MMAB: variants seen among roughly 807,000 people sequenced by gnomAD.
MMAB encodes the protein corrinoid adenosyltransferase MMAB.
Under a neutral mutation model 30.6 loss-of-function variants are expected in MMAB, and 17 were observed. That is an observed-to-expected ratio of 0.56 (90% CI 0.38 to 0.83). MMAB has a LOEUF of 0.83. Ranked by LOEUF, MMAB falls within the 40% of genes least tolerant of loss-of-function variation. MMAB has a pLI of 0.00. For synonymous variants in MMAB, 134 were observed against 138.6 expected (o/e 0.97, Z 0.23); for missense variants, 311 against 331.6 (o/e 0.94, Z 0.48).
rs1051879809 is a variant in MMAB at position 109,569,425 on chromosome 12, C to T, written c.197-562G>A. Among the ~76,000 whole-genome samples the T allele has an allele frequency of 6.6e-6, 1 of 152,170 alleles. No individual in the cohort carries two copies. Among genetic ancestry groups the T allele is most frequent in the African/African-American group, 2.4e-5 (1 of 41,436 alleles). ...TGTAACCCCTTTTAGTTGCCACTCC[C>T]CAAGGGTTAGCCACTATGCTCACTT... On this transcript the variant is annotated intron_variant, in intron 2 of 8. Coordinates refer to ENST00000545712, the MANE Select transcript of MMAB (RefSeq NM_052845.4). This position sits in a 1 kb window ranked among gnomAD's most constrained non-coding sequence, Gnocchi z 4.1.
intron 1 of MMAB, 148 bp downstream of exon 1, chr12:109,573,199 G>GGCCCACGTT: frequency 2.0e-6 from 2 of 1,025,486 alleles, no homozygotes; most frequent in Admixed American, 2.0e-5. Context: ...GCGCCCACGT[G>GGCCCACGTT]GCCCACGTTG....
Position 109,565,052 on chromosome 12 carries a change from G to A in MMAB, c.348+67C>T. Reference sequence around the variant, plus strand: ...TGACACAAAGAGTAACTGGTGGCTGGATGCTGAGTCCCGTGATGGCCACCG... The same window carrying A: ...TGACACAAAGAGTAACTGGTGGCTGAATGCTGAGTCCCGTGATGGCCACCG... On this transcript the variant is annotated intron_variant, in intron 4 of 8. Coordinates refer to ENST00000545712, the MANE Select transcript of MMAB (RefSeq NM_052845.4). 4.2e-6 allele frequency: 5 copies of A among 1,189,680 alleles called. No homozygotes were observed. The Admixed American group carries it at 8.4e-5, about 20-fold the overall frequency. The allele number at this position is 1,189,680 out of a possible 1,614,324, so 73.7% of individuals were successfully genotyped here.
chr12:109,563,046 G>A (rs1884271257), intron 4 of MMAB, among the ~76,000 whole-genome samples: 1 of 152,242 alleles, frequency 6.6e-6, no homozygotes, highest in Non-Finnish European at 1.5e-5. Context: ...GCAGGCCATG[G>A]TGTGTGAGAG....
Position 109,565,134 on chromosome 12 carries a change from G to T in MMAB, c.333C>A (p.Ala111=). Residue 111 remains alanine, a synonymous_variant, in exon 4 of 9, where the codon GCC becomes GCA. Coordinates refer to ENST00000545712, the MANE Select transcript of MMAB (RefSeq NM_052845.4). Reference sequence around the variant, plus strand: ...TGTTACTCACTTTCTGAAGCTCTTCGGCAAATGTATGGCCCTTTTCTGTGA... The same window carrying T: ...TGTTACTCACTTTCTGAAGCTCTTCTGCAAATGTATGGCCCTTTTCTGTGA... The part of the protein sequence containing the change: ...ELVTEKGHTF[A]EELQKIQCTL... 1 of 1,613,968 alleles carries T rather than the reference G, an allele frequency of 6.2e-7. No individual in the cohort carries two copies. The highest frequency in any genetic ancestry group is 1.7e-5 in the Admixed American group (1 of 60,016).
chr12:109,569,966 ACATAC>A lies in MMAB; in HGVS notation c.197-1108_197-1104del, dbSNP rs1884577718. ...TCTGTCTTCTAGAAACAAATTATTAACATACCCAATTACAGGCCAGGTGCAGTGGC... is the reference window on the plus strand; with the variant it reads ...TCTGTCTTCTAGAAACAAATTATTAACCAATTACAGGCCAGGTGCAGTGGC... On this transcript the variant is annotated intron_variant, in intron 2 of 8. Transcript: ENST00000545712. This position sits in a 1 kb window ranked among gnomAD's most constrained non-coding sequence, Gnocchi z 4.1. 1 of 170,586 alleles carries A rather than the reference ACATAC, an allele frequency of 5.9e-6. No homozygotes were observed. Among genetic ancestry groups the A allele is most frequent in the African/African-American group, 2.4e-5 (1 of 41,542 alleles). 10.6% of individuals were successfully genotyped at this position (170,586 alleles called of 1,614,324 possible). A position where few individuals can be genotyped will look rare whatever the true frequency, so the allele number is the denominator to read the frequency against.
intron 2 of MMAB, 46 bp downstream of exon 2, chr12:109,571,603 T>A: frequency 6.5e-7 from 1 of 1,537,242 alleles, no homozygotes; most frequent in Non-Finnish European, 9.0e-7. Flanking sequence ...TAAAATGGTG[T>A]ATGCCATGAG....
Position 109,563,468 on chromosome 12 carries a change from CAG to C in MMAB, c.349-1618_349-1617del, listed in dbSNP as rs1281542107. On this transcript the variant is annotated intron_variant, in intron 4 of 8. Coordinates refer to ENST00000545712, the MANE Select transcript of MMAB (RefSeq NM_052845.4). ...GGCCAGGCGGGGCTCCCAGGTGAAC[CAG>C]ACACTGTCCCCGCCCTCACAGTGCC... 2.0e-5 allele frequency among the ~76,000 whole-genome samples: 3 copies of C among 152,352 alleles called. No homozygotes were observed. The East Asian group carries it at 5.8e-4, about 29-fold the overall frequency.
At chr12:109,566,281 G>T (rs1884424829) in intron 3 of MMAB, among the ~76,000 whole-genome samples, 1 of 152,264 alleles carries the variant, frequency 6.6e-6, no homozygotes, top group African/African-American at 2.4e-5. Context: ...ACAGCCACCA[G>T]GTGATAAGGT....
chr12:109,561,855 G>A lies in MMAB; in HGVS notation c.349-3C>T. ...ACGTCCTGCAATGTGCACTGGATCT[G>A]GGGGGCGACAGAAAGTGACAGTCAA... On this transcript the variant is annotated splice_polypyrimidine_tract_variant and splice_region_variant and intron_variant, in intron 4 of 8. Transcript: ENST00000545712. The surrounding 1 kb of genome is among the most constrained non-coding windows in gnomAD (Gnocchi z 5.3). 6.2e-7 allele frequency: 1 copy of A among 1,602,040 alleles called. No homozygotes were observed.
chr12:109,555,283 T>TTTTTG lies in MMAB; in HGVS notation c.*1744_*1745insCAAAA, dbSNP rs1555273686. ...GTGATTGCGTTTTCAGGGTTTTTTT[T>TTTTTG]TTTTTTTTTTTTTTTTTGTGACGGA... On this transcript the variant is annotated 3_prime_UTR_variant, in exon 9 of 9. Coordinates refer to ENST00000545712, the MANE Select transcript of MMAB (RefSeq NM_052845.4). 9 of 303,730 alleles carry TTTTTG rather than the reference T, an allele frequency of 3.0e-5. No individual in the cohort carries two copies. In the East Asian group the frequency reaches 3.1e-4, roughly 10 times the overall value. The allele number at this position is 303,730 out of a possible 1,614,324, so 18.8% of individuals were successfully genotyped here. A position where few individuals can be genotyped will look rare whatever the true frequency, so the allele number is the denominator to read the frequency against.
At position 109,555,090 on chromosome 12, in the gene MMAB, C is replaced by G. The variant is rs1295314507; in HGVS notation, c.*1938G>C. 6 of 453,990 alleles carry G rather than the reference C, an allele frequency of 1.3e-5. No homozygotes were observed. Among genetic ancestry groups the G allele is most frequent in the South Asian group, 9.3e-5 (6 of 64,478 alleles). 28.1% of individuals were successfully genotyped at this position (453,990 alleles called of 1,614,324 possible). A position where few individuals can be genotyped will look rare whatever the true frequency, so the allele number is the denominator to read the frequency against. On this transcript the variant is annotated 3_prime_UTR_variant, in exon 9 of 9. Coordinates refer to ENST00000545712, the MANE Select transcript of MMAB (RefSeq NM_052845.4). ...TAGGATGTTGTATTTACTCAAAAAG[C>G]TTTCCTTATCCTTTGGAGGCTGTGC... is the stretch of plus-strand genomic sequence containing the variant.
chr12:109,562,706 C>T (rs1884257154), intron 4 of MMAB, among the ~76,000 whole-genome samples: 1 of 152,228 alleles, frequency 6.6e-6, no homozygotes, highest in Non-Finnish European at 1.5e-5. Flanking sequence ...GCTTTCTAAA[C>T]TCTAAAGGAC....
intron 3 of MMAB, among the ~76,000 whole-genome samples, chr12:109,566,145 A>G (rs1386287445): frequency 6.6e-6 from 1 of 152,216 alleles, no homozygotes; most frequent in Non-Finnish European, 1.5e-5. Context: ...CACCAGAGCC[A>G]TGCACCACTG....
chr12:109,566,815 C>T (rs926479714), intron 3 of MMAB, among the ~76,000 whole-genome samples: 2 of 152,266 alleles, frequency 1.3e-5, no homozygotes, highest in African/African-American at 2.4e-5. Context: ...TCCTCCTCAA[C>T]TGAGAGACGA....
chr12:109,570,230 C>T (rs1251462958), intron 2 of MMAB: 1 of 180,822 alleles, frequency 5.5e-6, no homozygotes, highest in Non-Finnish European at 1.2e-5. Flanking sequence ...GCACTCCAGC[C>T]TGGGCAACAG....
At position 109,554,956 on chromosome 12, in the gene MMAB, G is replaced by C. The variant is rs1883909010; in HGVS notation, c.*2072C>G. The C allele has an allele frequency of 2.2e-6, 1 of 454,020 alleles. No individual in the cohort carries two copies. Among genetic ancestry groups the C allele is most frequent in the Non-Finnish European group, 4.4e-6 (1 of 226,800 alleles). 28.1% of individuals were successfully genotyped at this position (454,020 alleles called of 1,614,324 possible). A position where few individuals can be genotyped will look rare whatever the true frequency, so the allele number is the denominator to read the frequency against. The stretch of plus-strand genomic sequence containing the variant: ...GCTGGTGAACCGGGAGACAGATACA[G>C]AGGCGGGGGTCTGAGAACGCGACTG... On this transcript the variant is annotated 3_prime_UTR_variant, in exon 9 of 9. Coordinates refer to ENST00000545712, the MANE Select transcript of MMAB (RefSeq NM_052845.4).
chr12:109,565,143 A>G lies in MMAB; in HGVS notation c.324T>C (p.His108=), dbSNP rs2136203906. 2 of 1,614,118 alleles carry G rather than the reference A, an allele frequency of 1.2e-6. No individual in the cohort carries two copies. The highest frequency in any genetic ancestry group is 1.7e-6 in the Non-Finnish European group (2 of 1,179,966). The part of the protein sequence containing the change: ...FALELVTEKG[H]TFAEELQKIQ... ...CTTTCTGAAGCTCTTCGGCAAATGT[A>G]TGGCCCTTTTCTGTGACTAATTCCA... The change falls in exon 4 of 9, where the codon CAT becomes CAC. Residue 108 remains histidine (H), a synonymous_variant. Transcript: ENST00000545712.
Position 109,557,003 on chromosome 12 carries a change from C to T in MMAB, c.*25G>A. 2 of 1,500,362 alleles carry T rather than the reference C, an allele frequency of 1.3e-6. No homozygotes were observed. Among genetic ancestry groups the T allele is most frequent in the Non-Finnish European group, 1.9e-6 (2 of 1,077,300 alleles). The allele number at this position is 1,500,362 out of a possible 1,614,324, so 92.9% of individuals were successfully genotyped here. ...CCACGGCCATCGCCATGGAGGGATC[C>T]TCCAAGCTCCCACTTTCTGTGATTT... On this transcript the variant is annotated 3_prime_UTR_variant, in exon 9 of 9. Coordinates refer to ENST00000545712, the MANE Select transcript of MMAB (RefSeq NM_052845.4).
At chr12:109,573,181 G>T in intron 1 of MMAB, 166 bp downstream of exon 1, 1 of 826,028 alleles carries the variant, frequency 1.2e-6, no homozygotes, top group Non-Finnish European at 2.0e-6. Flanking sequence ...AAGACTACCT[G>T]GTCTCTGGCG....
Sources: allele counts gnomAD v4.1 joint callset (sites outside exome capture counted in the v4.1 genomes callset), GRCh38; gene constraint gnomAD v4.1.1; non-coding constraint Gnocchi (gnomAD v3.1); transcripts MANE v1.5; gene names NCBI Gene and HGNC (gene_info 2026-07-23, HGNC 2026-07-21).